HAS2: variants seen among roughly 807,000 people sequenced by gnomAD.
The protein encoded by HAS2 is HA synthase 2.
Under a neutral mutation model 51.6 loss-of-function variants are expected in HAS2, and 16 were observed. That is an observed-to-expected ratio of 0.31 (90% CI 0.21 to 0.47). The LOEUF is 0.47. Ranked by LOEUF, HAS2 falls within the 20% of genes least tolerant of loss-of-function variation. The pLI is 1.00. For synonymous variants in HAS2, 228 were observed against 235.5 expected, an observed-to-expected ratio of 0.97 and a Z score of 0.29; for missense variants, 361 against 662.6, an observed-to-expected ratio of 0.54 and a Z score of 5.00.
In HAS2 at chr8:121,629,122, T is replaced by C. The variant is rs1563622915; in HGVS notation, c.219A>G (p.Lys73=). The part of the protein sequence containing the change: ...FAFLEHRKMK[K]SLETPIKLNK... Reference sequence around the variant, plus strand: ...TCAACTTTATGGGGGTTTCTAGGGATTTTTTCATTTTTCGGTGCTCCAAAA... The same window carrying C: ...TCAACTTTATGGGGGTTTCTAGGGACTTTTTCATTTTTCGGTGCTCCAAAA... The change falls in exon 2 of 4, where the codon AAA becomes AAG. Residue 73 remains lysine (K), a synonymous_variant. Coordinates refer to ENST00000303924, the MANE Select transcript of HAS2 (RefSeq NM_005328.3). 3 of 1,614,060 alleles carry C rather than the reference T, an allele frequency of 1.9e-6. No homozygotes were observed. Among genetic ancestry groups the C allele is most frequent in the Non-Finnish European group, 2.5e-6 (3 of 1,179,970 alleles).
chr8:121,629,847 C>T (rs1812907171), intron 1 of HAS2, among the ~76,000 whole-genome samples: 1 of 152,142 alleles, frequency 6.6e-6, no homozygotes, highest in Non-Finnish European at 1.5e-5. Context: ...CAACTTACAT[C>T]CTTTCCCTGC....
chr8:121,618,090 G>T (rs1812730612), intron 2 of HAS2, among the ~76,000 whole-genome samples: 1 of 151,522 alleles, frequency 6.6e-6, no homozygotes, highest in South Asian at 2.1e-4. Flanking sequence ...ATTCCTAATA[G>T]ATATTTCTAT....
Position 121,615,527 on chromosome 8 carries a change from T to G in HAS2, c.730-489A>C, listed in dbSNP as rs530797912. ...TTTAGTAGAGACGGGGTTTCGCCATTTTGGCCAGGCTGGTCTTGCTCCTGA... is the reference window on the plus strand; with the variant it reads ...TTTAGTAGAGACGGGGTTTCGCCATGTTGGCCAGGCTGGTCTTGCTCCTGA... On this transcript the variant is annotated intron_variant, in intron 3 of 3. Coordinates refer to ENST00000303924, the MANE Select transcript of HAS2 (RefSeq NM_005328.3). 1.2e-3 allele frequency among the ~76,000 whole-genome samples: 177 copies of G among 152,144 alleles called. 5 individuals are homozygous for G. In the South Asian group the frequency reaches 0.036, roughly 31 times the overall value.
intron 1 of HAS2, among the ~76,000 whole-genome samples, chr8:121,637,348 C>T (rs1274847742): frequency 2.0e-5 from 3 of 150,012 alleles, no homozygotes; most frequent in Non-Finnish European, 2.9e-5. Context: ...GTGGGAAAGG[C>T]AGTATATATA....
Position 121,641,100 on chromosome 8 carries a change from A to G in HAS2, c.-248T>C, listed in dbSNP as rs942646101. The G allele has an allele frequency of 6.6e-5, 10 of 151,074 alleles. No homozygotes were observed. Among genetic ancestry groups the G allele is most frequent in the Admixed American group, 2.0e-4 (3 of 15,210 alleles). The allele number at this position is 151,074 out of a possible 1,614,324, so 9.4% of individuals were successfully genotyped here. On this transcript the variant is annotated 5_prime_UTR_variant, in exon 1 of 4. Coordinates refer to ENST00000303924, the MANE Select transcript of HAS2 (RefSeq NM_005328.3). ...TTATGTTTCCGTTGCACTTCAGTCT[A>G]ATTCTTAAAAAAATTATGCTTTAAA...
intron 1 of HAS2, among the ~76,000 whole-genome samples, chr8:121,632,267 G>T (rs1283588533): frequency 6.6e-6 from 1 of 152,116 alleles, no homozygotes; most frequent in African/African-American, 2.4e-5. Flanking sequence ...CTGGGCAATT[G>T]CATTGATATG....
At chr8:121,616,088 T>C (rs1812697035) in intron 3 of HAS2, among the ~76,000 whole-genome samples, 2 of 152,234 alleles carry the variant, frequency 1.3e-5, no homozygotes, top group Non-Finnish European at 2.9e-5. Context: ...TGTGCTTTCT[T>C]ACCTTTTGCT....
chr8:121,625,381 AC>A (rs1416554188), intron 2 of HAS2, among the ~76,000 whole-genome samples: 2 of 152,242 alleles, frequency 1.3e-5, no homozygotes, highest in Admixed American at 6.5e-5. Flanking sequence ...AGAGGTACAA[AC>A]TTTTGTCCAA....
Position 121,641,182 on chromosome 8 carries a change from G to GTTTTTTTTTTTTTTTTTTTTTTT in HAS2, c.-331_-330insAAAAAAAAAAAAAAAAAAAAAAA, listed in dbSNP as rs1240320617. Reference sequence around the variant, plus strand: ...TCTTTTTTTTTTTTTTTTTTTTTTGGGCTTCAGTCTTTCTGCCCCCGATAA... The same window carrying GTTTTTTTTTTTTTTTTTTTTTTT: ...TCTTTTTTTTTTTTTTTTTTTTTTGGTTTTTTTTTTTTTTTTTTTTTTTGCTTCAGTCTTTCTGCCCCCGATAA... On this transcript the variant is annotated 5_prime_UTR_variant, in exon 1 of 4. Coordinates refer to ENST00000303924, the MANE Select transcript of HAS2 (RefSeq NM_005328.3). The GTTTTTTTTTTTTTTTTTTTTTTT allele has an allele frequency of 2.0e-5, 1 of 48,848 alleles. No individual in the cohort carries two copies. The highest frequency in any genetic ancestry group is 8.5e-5 in the African/African-American group (1 of 11,720). The allele number at this position is 48,848 out of a possible 1,614,324, so 3.0% of individuals were successfully genotyped here. A position where few individuals can be genotyped will look rare whatever the true frequency, so the allele number is the denominator to read the frequency against.
Position 121,612,273 on chromosome 8 carries a change from G to C in HAS2, c.*1836C>G, listed in dbSNP as rs1339395275. 1 of 152,080 alleles carries C rather than the reference G, an allele frequency of 6.6e-6. No individual in the cohort carries two copies. Among genetic ancestry groups the C allele is most frequent in the African/African-American group, 2.4e-5 (1 of 41,422 alleles). The allele number at this position is 152,080 out of a possible 1,614,324, so 9.4% of individuals were successfully genotyped here. On this transcript the variant is annotated 3_prime_UTR_variant, in exon 4 of 4. Coordinates refer to ENST00000303924, the MANE Select transcript of HAS2 (RefSeq NM_005328.3). ...TTGAATGTTATCAAAGCTTAACTTA[G>C]AACATAAATAGTTAAAAAGGCAAAC...
intron 2 of HAS2, among the ~76,000 whole-genome samples, chr8:121,618,664 C>T (rs559775638): frequency 1.3e-5 from 2 of 152,208 alleles, no homozygotes; most frequent in African/African-American, 4.8e-5. Context: ...CAGCAAAGTC[C>T]TAACAAATAT....
intron 1 of HAS2, among the ~76,000 whole-genome samples, chr8:121,630,617 A>T (rs1812916552): frequency 6.6e-6 from 1 of 152,124 alleles, no homozygotes. Context: ...GGCTTTTCTC[A>T]TATTTACATG....
intron 2 of HAS2, among the ~76,000 whole-genome samples, chr8:121,622,127 C>T (rs2130438161): frequency 6.6e-6 from 1 of 152,196 alleles, no homozygotes; most frequent in South Asian, 2.1e-4. Flanking sequence ...CTTCCTCCCA[C>T]AACTTAACCC....
intron 2 of HAS2, among the ~76,000 whole-genome samples, chr8:121,626,174 A>G (rs547090397): frequency 1.3e-5 from 2 of 152,312 alleles, no homozygotes; most frequent in South Asian, 4.1e-4. Context: ...AAACAGTTTA[A>G]GAAGAGAGTA....
At chr8:121,631,345 C>T (rs182282760) in intron 1 of HAS2, among the ~76,000 whole-genome samples, 6 of 152,256 alleles carry the variant, frequency 3.9e-5, no homozygotes, top group Middle Eastern at 3.4e-3. Context: ...AGCTTGCGGA[C>T]GTCTCTTTTT....
chr8:121,631,564 G>A (rs562766221), intron 1 of HAS2, among the ~76,000 whole-genome samples: 3 of 152,322 alleles, frequency 2.0e-5, no homozygotes, highest in East Asian at 1.9e-4. Context: ...ACACCATAGC[G>A]TGTAATGCAG....
At chr8:121,637,483 C>A (rs1813026015) in intron 1 of HAS2, among the ~76,000 whole-genome samples, 1 of 150,984 alleles carries the variant, frequency 6.6e-6, no homozygotes, top group East Asian at 2.0e-4. Flanking sequence ...CTCCACCTCC[C>A]GAGTTCAAGA....
At chr8:121,631,480 TCA>T (rs1408880818) in intron 1 of HAS2, among the ~76,000 whole-genome samples, 1 of 152,158 alleles carries the variant, frequency 6.6e-6, no homozygotes, top group Non-Finnish European at 1.5e-5. Flanking sequence ...GCTTAAAGGA[TCA>T]GTTAACCAGG....
intron 2 of HAS2, among the ~76,000 whole-genome samples, chr8:121,618,157 A>G (rs1812731641): frequency 6.6e-6 from 1 of 152,230 alleles, no homozygotes; most frequent in South Asian, 2.1e-4. Context: ...ACTGATTTCC[A>G]AATCAACTGA....
Sources: gnomAD v4.1 joint callset for allele counts (sites outside exome capture counted in the v4.1 genomes callset) on GRCh38, gnomAD v4.1.1 for gene constraint, MANE v1.5 for transcripts, NCBI Gene and HGNC (gene_info 2026-07-23, HGNC 2026-07-21) for gene names.